The following MAPK9 variants were observed in gnomAD, a reference collection of about 807,000 sequenced individuals.
The protein encoded by MAPK9 is mitogen-activated protein kinase 9, also known as Jun kinase.
MAPK9 carries 30 observed loss-of-function variants against 57.1 expected under a neutral mutation model. The ratio of observed to expected loss-of-function variants is 0.53; its 90% CI spans 0.39 to 0.71. The LOEUF (loss-of-function observed/expected upper bound fraction) is 0.71, where lower values mean the gene tolerates loss of function less well. MAPK9 is among the 30% of genes least tolerant of loss of function. The pLI is 0.00. For missense variants in MAPK9, 362 were observed against 521.0 expected, an observed-to-expected ratio of 0.69 and a Z score of 2.97; for synonymous variants, 155 against 177.0, an observed-to-expected ratio of 0.88 and a Z score of 0.99.
chr5:180,279,947 A>G, intron 2 of MAPK9: 1 of 456,706 alleles, frequency 2.2e-6, no homozygotes, highest in Non-Finnish European at 4.4e-6. Context: ...CCCCTCACAC[A>G]GCATCCCTTC....
intron 1 of MAPK9, among the ~76,000 whole-genome samples, chr5:180,283,462 G>T (rs1430107568): frequency 1.3e-5 from 2 of 152,146 alleles, no homozygotes; most frequent in African/African-American, 4.8e-5. Context: ...CCCCCATTCA[G>T]GACCCCGTGT....
chr5:180,288,175 T>C (rs1762936842), intron 1 of MAPK9, among the ~76,000 whole-genome samples: 2 of 152,192 alleles, frequency 1.3e-5, no homozygotes, highest in South Asian at 2.1e-4. Flanking sequence ...CTAGATCCAA[T>C]TACTAACTTA....
intron 1 of MAPK9, among the ~76,000 whole-genome samples, chr5:180,285,644 T>C (rs1238742219): frequency 8.5e-5 from 13 of 152,172 alleles, no homozygotes; most frequent in Non-Finnish European, 4.4e-5. Flanking sequence ...GTTTTCCAGC[T>C]GGGCAAGATG....
At position 180,236,341 on chromosome 5, in the gene MAPK9, TGA is replaced by T; in HGVS notation, c.*41_*42del. On this transcript the variant is annotated 3_prime_UTR_variant, in exon 12 of 12. Coordinates refer to ENST00000452135, the MANE Select transcript of MAPK9 (RefSeq NM_002752.5). ...CCCAAGCATTTCAGGCCCACGGAGGTGAGAGTTCCTTCAATGCTGACAGGTTT... is the reference window on the plus strand; with the variant it reads ...CCCAAGCATTTCAGGCCCACGGAGGTGAGTTCCTTCAATGCTGACAGGTTT... 1.3e-6 allele frequency: 2 copies of T among 1,561,098 alleles called. No homozygotes were observed.
rs1758241243 is a variant in MAPK9, at chr5:180,247,513, GAAAAT to G, written c.617-8_617-4del. 4 of 1,611,992 alleles carry G rather than the reference GAAAAT, an allele frequency of 2.5e-6. No individual in the cohort carries two copies. In the South Asian group the frequency reaches 3.3e-5, roughly 13 times the overall value. ...GCAACCCACTGACCAGATATCAACT[GAAAAT>G]AAAATGAAATGATAAAATTATGAAG... On this transcript the variant is annotated splice_region_variant and splice_polypyrimidine_tract_variant and intron_variant, in intron 6 of 11. Transcript: ENST00000452135. This position sits in a 1 kb window ranked among gnomAD's most constrained non-coding sequence, Gnocchi z 4.5.
At chr5:180,268,113 T>C (rs62404889) in intron 3 of MAPK9, among the ~76,000 whole-genome samples, 62,289 of 152,020 alleles carry the variant, frequency 0.41, 14,727 homozygotes, top group Non-Finnish European at 0.55. Flanking sequence ...CGTGAGCCAC[T>C]GCACCCGGCC....
chr5:180,270,875 A>G (rs867925297), intron 2 of MAPK9, among the ~76,000 whole-genome samples: 4 of 104,562 alleles, frequency 3.8e-5, no homozygotes, highest in Non-Finnish European at 6.6e-5. Flanking sequence ...AAAAAAAAAG[A>G]AAAAGAAAAA....
intron 3 of MAPK9, among the ~76,000 whole-genome samples, chr5:180,268,027 T>A (rs951979649): frequency 6.6e-6 from 1 of 152,086 alleles, no homozygotes; most frequent in South Asian, 2.1e-4. Flanking sequence ...GGTTTCACCA[T>A]GTTAGCCAGG....
chr5:180,275,321 T>C (rs536468007), intron 2 of MAPK9, among the ~76,000 whole-genome samples: 20 of 152,358 alleles, frequency 1.3e-4, no homozygotes, highest in African/African-American at 4.6e-4. Flanking sequence ...TTTACCCCCA[T>C]ACAAGTTCAG....
chr5:180,263,653 T>C (rs565211923), intron 4 of MAPK9, among the ~76,000 whole-genome samples: 10 of 152,020 alleles, frequency 6.6e-5, no homozygotes, highest in Admixed American at 2.0e-4. Flanking sequence ...GAGCGCTGTC[T>C]GTTCCTTCTA....
At chr5:180,273,740 C>T (rs1252360459) in intron 2 of MAPK9, among the ~76,000 whole-genome samples, 1 of 152,176 alleles carries the variant, frequency 6.6e-6, no homozygotes, top group Non-Finnish European at 1.5e-5. Flanking sequence ...ATTTAAAAGG[C>T]TAGCCTTTCC....
rs538454589 is a variant in MAPK9 at position 180,234,342 on chromosome 5, G to A, written c.*2042C>T. 10 of 152,334 alleles carry A rather than the reference G, an allele frequency of 6.6e-5. No homozygotes were observed. Among genetic ancestry groups the A allele is most frequent in the African/African-American group, 2.4e-4 (10 of 41,576 alleles). 9.4% of individuals were successfully genotyped at this position (152,334 alleles called of 1,614,324 possible). ...AGAGAGAACCCTGAAGCTGGGGTGA[G>A]GTATTTCTGTGGAGCCCTGTGGCCT... On this transcript the variant is annotated 3_prime_UTR_variant, in exon 12 of 12. Transcript: ENST00000452135.
chr5:180,263,921 G>T (rs1760262349), intron 4 of MAPK9, among the ~76,000 whole-genome samples: 1 of 151,798 alleles, frequency 6.6e-6, no homozygotes, highest in East Asian at 1.9e-4. Flanking sequence ...TAGCCAGGAT[G>T]GTCTCGATCT....
Position 180,277,214 on chromosome 5 carries a change from G to T in MAPK9, c.122+3226C>A, listed in dbSNP as rs574541741. On this transcript the variant is annotated intron_variant, in intron 2 of 11. Coordinates refer to ENST00000452135, the MANE Select transcript of MAPK9 (RefSeq NM_002752.5). ...TGTAACAAGTAACCACCAATTTACTGCTTTAAAGCCACACAAACTTACTAT... is the reference window on the plus strand; with the variant it reads ...TGTAACAAGTAACCACCAATTTACTTCTTTAAAGCCACACAAACTTACTAT... 2.0e-4 allele frequency among the ~76,000 whole-genome samples: 30 copies of T among 152,312 alleles called. 1 individual carries two copies. Among genetic ancestry groups the T allele is most frequent in the African/African-American group, 7.2e-4 (30 of 41,546 alleles).
chr5:180,258,823 G>A (rs988025517), intron 5 of MAPK9, among the ~76,000 whole-genome samples: 3 of 143,280 alleles, frequency 2.1e-5, no homozygotes, highest in Admixed American at 1.5e-4. Context: ...TCAGCAGTTC[G>A]AGACCAGCCT....
intron 6 of MAPK9, among the ~76,000 whole-genome samples, chr5:180,248,262 C>T (rs1581188351): frequency 6.6e-6 from 1 of 152,328 alleles, no homozygotes; most frequent in East Asian, 1.9e-4. Context: ...GAGAAGTGAA[C>T]AGGGGATCAA....
chr5:180,239,570 T>A (rs1458145139), intron 10 of MAPK9, among the ~76,000 whole-genome samples: 1 of 152,210 alleles, frequency 6.6e-6, no homozygotes, highest in Admixed American at 6.5e-5. Flanking sequence ...CAATCTGCAA[T>A]TTCCCCCAAA....
chr5:180,278,990 C>G (rs1012814024), intron 2 of MAPK9, among the ~76,000 whole-genome samples: 9 of 146,282 alleles, frequency 6.2e-5, no homozygotes, highest in African/African-American at 2.3e-4. Context: ...CGGAGTCTTG[C>G]TCCATCGCCC....
At chr5:180,267,347 G>A (rs1211580127) in intron 3 of MAPK9, among the ~76,000 whole-genome samples, 3 of 152,034 alleles carry the variant, frequency 2.0e-5, no homozygotes, top group Non-Finnish European at 2.9e-5. Context: ...AGATCACGAG[G>A]TCAGGAGATC....
Sources: gnomAD v4.1 joint callset for allele counts (sites outside exome capture counted in the v4.1 genomes callset) on GRCh38, gnomAD v4.1.1 for gene constraint, Gnocchi (gnomAD v3.1) non-coding constraint, MANE v1.5 for transcripts, NCBI Gene and HGNC (gene_info 2026-07-23, HGNC 2026-07-21) for gene names.